The following ASAP1 variants were observed in gnomAD, a reference collection of about 807,000 sequenced individuals.
The protein encoded by ASAP1 is arf-GAP with SH3 domain, ANK repeat and PH domain-containing protein 1.
Under a neutral mutation model 145.2 loss-of-function variants are expected in ASAP1, and 43 were observed. The observed-to-expected ratio is 0.30, with a 90% confidence interval of 0.23 to 0.38. The LOEUF is 0.38. ASAP1 is among the 10% of genes least tolerant of loss of function. ASAP1 has a pLI of 1.00. For missense variants in ASAP1, 1,018 were observed against 1,355.3 expected (o/e 0.75, Z 3.91); for synonymous variants, 546 against 515.5 (o/e 1.06, Z -0.80).
At chr8:130,245,824 T>G (rs1450167272) in intron 3 of ASAP1, among the ~76,000 whole-genome samples, 1 of 152,196 alleles carries the variant, frequency 6.6e-6, no homozygotes, top group African/African-American at 2.4e-5. Flanking sequence ...TTTGTTTTAA[T>G]GCCTTAGTGT....
chr8:130,269,678 T>A (rs1385412207), intron 3 of ASAP1, among the ~76,000 whole-genome samples: 1 of 152,194 alleles, frequency 6.6e-6, no homozygotes, highest in African/African-American at 2.4e-5. Flanking sequence ...CACTATTAGA[T>A]GAGGCACTGT....
intron 3 of ASAP1, among the ~76,000 whole-genome samples, chr8:130,349,278 G>T (rs988349377): frequency 6.6e-6 from 1 of 152,176 alleles, no homozygotes; most frequent in African/African-American, 2.4e-5. Flanking sequence ...CCGGGTCCCT[G>T]AAGTATACAC....
intron 3 of ASAP1, among the ~76,000 whole-genome samples, chr8:130,330,810 C>T (rs1287059972): frequency 1.3e-5 from 2 of 152,140 alleles, no homozygotes; most frequent in East Asian, 3.8e-4. Flanking sequence ...TATAATCATT[C>T]TTAAACCTAT....
At chr8:130,095,998 G>C (rs975620189) in intron 24 of ASAP1, among the ~76,000 whole-genome samples, 12 of 152,184 alleles carry the variant, frequency 7.9e-5, no homozygotes, top group African/African-American at 2.7e-4. Context: ...TTAGCAGGAG[G>C]GAACAGTGTT....
At chr8:130,086,433 G>A (rs751940876) in intron 25 of ASAP1, among the ~76,000 whole-genome samples, 3 of 152,166 alleles carry the variant, frequency 2.0e-5, no homozygotes, top group Non-Finnish European at 2.9e-5. Flanking sequence ...AAAATATTAC[G>A]TACGTAGTTT....
intron 29 of ASAP1, among the ~76,000 whole-genome samples, chr8:130,055,460 CG>C (rs745960947): frequency 9.3e-5 from 14 of 150,662 alleles, no homozygotes; most frequent in Non-Finnish European, 2.1e-4. Flanking sequence ...AGACCCACTG[CG>C]GGGTACCATA....
intron 1 of ASAP1, among the ~76,000 whole-genome samples, chr8:130,430,759 T>C (rs989414112): frequency 1.3e-5 from 2 of 151,890 alleles, no homozygotes; most frequent in Admixed American, 6.6e-5. Context: ...GTATTCAGAA[T>C]TGGTTTGGGT....
At chr8:130,296,260 T>C (rs1361378851) in intron 3 of ASAP1, among the ~76,000 whole-genome samples, 2 of 152,244 alleles carry the variant, frequency 1.3e-5, no homozygotes, top group African/African-American at 4.8e-5. Context: ...GAGGTTTACC[T>C]GGTTGAACAC....
chr8:130,418,535 T>C (rs1324945105), intron 1 of ASAP1, among the ~76,000 whole-genome samples: 1 of 143,298 alleles, frequency 7.0e-6, no homozygotes, highest in Admixed American at 7.1e-5. Context: ...GTGACCTCTG[T>C]CTCAAAATAA....
intron 3 of ASAP1, among the ~76,000 whole-genome samples, chr8:130,322,303 TAAAAAA>T (rs5895042): frequency 6.8e-6 from 1 of 147,214 alleles, no homozygotes; most frequent in African/African-American, 2.5e-5. Context: ...CATCTGTGGT[TAAAAAA>T]AAAAAAAAAT....
At position 130,115,738 on chromosome 8, in the gene ASAP1, G is replaced by C. The variant is rs1046254782; in HGVS notation, c.2065-3C>G. 1.2e-6 allele frequency: 2 copies of C among 1,600,672 alleles called. No individual in the cohort carries two copies. Among genetic ancestry groups the C allele is most frequent in the Non-Finnish European group, 8.6e-7 (1 of 1,168,254 alleles). ...TTTCCAGATTTAGCCTGGGAAAGCT[G>C]GAAGGAACAGCAAATGTGCACCATT... On this transcript the variant is annotated splice_region_variant and splice_polypyrimidine_tract_variant and intron_variant, in intron 22 of 29. Transcript: ENST00000518721.
intron 3 of ASAP1, among the ~76,000 whole-genome samples, chr8:130,356,399 G>A (rs1826308170): frequency 6.6e-6 from 1 of 152,126 alleles, no homozygotes; most frequent in Non-Finnish European, 1.5e-5. Context: ...AGTACAGAAA[G>A]GGGATGCAAA....
At chr8:130,130,315 G>A (rs2097581106) in intron 15 of ASAP1, among the ~76,000 whole-genome samples, 1 of 152,128 alleles carries the variant, frequency 6.6e-6, no homozygotes, top group Non-Finnish European at 1.5e-5. Flanking sequence ...CAGACCAGAT[G>A]GGGATAAGAA....
In ASAP1 at chr8:130,118,652, G is replaced by A. The variant is rs2097560398; in HGVS notation, c.1631C>T (p.Thr544Ile). 6.2e-7 allele frequency: 1 copy of A among 1,612,702 alleles called. No individual in the cohort carries two copies. The highest frequency in any genetic ancestry group is 8.5e-7 in the Non-Finnish European group (1 of 1,179,212). The change falls in exon 19 of 30, where the codon ACT becomes ATT. Residue 544 changes from threonine (T) to isoleucine (I), a missense_variant. By Grantham distance (89) the Thr-to-Ile change is moderately conservative. This residue lies in a region of ASAP1 where 153 missense variants were observed against 221.6 expected (regional missense o/e 0.69). Transcript: ENST00000518721. ...SDMTVRKEYI[T>I]AKYVDHRFSR... is the part of the protein sequence containing the mutation. ...AAACCTATGATCTACATACTTTGCA[G>A]TGATATATTCTTTTCGTACAGTCCT... is the stretch of plus-strand genomic sequence containing the variant.
intron 9 of ASAP1, among the ~76,000 whole-genome samples, chr8:130,177,826 C>T (rs1814071461): frequency 6.6e-6 from 1 of 152,156 alleles, no homozygotes; most frequent in Non-Finnish European, 1.5e-5. Flanking sequence ...ATCATCACAG[C>T]TGTCAACACA....
At position 130,179,346 on chromosome 8, in the gene ASAP1, G is replaced by A; in HGVS notation, c.664C>T (p.Leu222Phe). Residue 222 changes from leucine (L) to phenylalanine (F), a missense_variant, in exon 9 of 30, where the codon CTC becomes TTC. By Grantham distance (22) the Leu-to-Phe change is conservative. Transcript: ENST00000518721. Reference protein sequence around the residue: ...RLFQLQMCEYLIKVNEIKTKK... With the variant: ...RLFQLQMCEYFIKVNEIKTKK... ...GTCTTGATTTCATTAACTTTAATGA[G>A]ATACTGTGAAAATAAAACAGGGTTT... 6.3e-7 allele frequency: 1 copy of A among 1,586,050 alleles called. No individual in the cohort carries two copies. The highest frequency in any genetic ancestry group is 8.7e-7 in the Non-Finnish European group (1 of 1,154,708).
chr8:130,187,588 G>T (rs1403966129), intron 6 of ASAP1, among the ~76,000 whole-genome samples: 1 of 151,948 alleles, frequency 6.6e-6, no homozygotes, highest in Non-Finnish European at 1.5e-5. Flanking sequence ...GCTAATTCTT[G>T]TACTTCTTCT....
chr8:130,403,589 G>A (rs10098244), intron 1 of ASAP1, among the ~76,000 whole-genome samples: 14,870 of 129,818 alleles, frequency 0.11, 977 homozygotes, highest in Non-Finnish European at 0.16. Flanking sequence ...AGTTTCACTC[G>A]TTGCCCAGAC....
chr8:130,121,036 G>A (rs1490973904), intron 18 of ASAP1, among the ~76,000 whole-genome samples: 1 of 151,990 alleles, frequency 6.6e-6, no homozygotes, highest in African/African-American at 2.4e-5. Context: ...TAAAACCTTG[G>A]GTGTCATCTT....
Sources: allele counts gnomAD v4.1 joint callset (sites outside exome capture counted in the v4.1 genomes callset), GRCh38; gene constraint gnomAD v4.1.1; regional missense constraint gnomAD v4.1.1; transcripts MANE v1.5; gene names NCBI Gene and HGNC (gene_info 2026-07-23, HGNC 2026-07-21).